The following NPAS3 variants were observed in gnomAD, a reference collection of about 807,000 sequenced individuals.
NPAS3 encodes the protein neuronal PAS domain-containing protein 3.
In NPAS3, 14 loss-of-function variants were observed where a neutral mutation model predicts 73.1. The ratio of observed to expected loss-of-function variants is 0.19; its 90% CI spans 0.13 to 0.30. The LOEUF is 0.30. Among genes scored for constraint, NPAS3 ranks in the 10% least tolerant of loss-of-function variants. The pLI, the probability that NPAS3 is intolerant of heterozygous loss-of-function variation, is 1.00. For synonymous variants in NPAS3, 620 were observed against 541.5 expected, an observed-to-expected ratio of 1.14 and a Z score of -2.01; for missense variants, 1,096 against 1,250.0, an observed-to-expected ratio of 0.88 and a Z score of 1.86.
At chr14:33,309,966 G>T (rs1164713971) in intron 3 of NPAS3, among the ~76,000 whole-genome samples, 1 of 152,138 alleles carries the variant, frequency 6.6e-6, no homozygotes, top group Non-Finnish European at 1.5e-5. Flanking sequence ...GGCTGGGTGA[G>T]CATGGAGAGT....
intron 4 of NPAS3, among the ~76,000 whole-genome samples, chr14:33,540,524 C>T (rs2054463633): frequency 1.3e-5 from 2 of 152,160 alleles, no homozygotes; most frequent in African/African-American, 4.8e-5. Flanking sequence ...AAGCCTTTTC[C>T]CTGTTTTATT....
rs189724186 is a variant in NPAS3, at chr14:33,606,139, G to A, written c.558+45929G>A. 2.0e-3 allele frequency among the ~76,000 whole-genome samples: 305 copies of A among 151,456 alleles called. 2 individuals carry two copies. The Middle Eastern group carries it at 0.021, about 10-fold the overall frequency. Reference sequence around the variant, plus strand: ...GCCAATGTGCAGGTTTGTTACATACGTATACATGTGCCATGCTGGTGTGCT... The same window carrying A: ...GCCAATGTGCAGGTTTGTTACATACATATACATGTGCCATGCTGGTGTGCT... On this transcript the variant is annotated intron_variant, in intron 5 of 11. Coordinates refer to ENST00000356141, the Ensembl canonical transcript of NPAS3.
intron 4 of NPAS3, among the ~76,000 whole-genome samples, chr14:33,396,735 A>G (rs540073237): frequency 2.6e-4 from 39 of 152,278 alleles, no homozygotes; most frequent in African/African-American, 7.5e-4. Flanking sequence ...AAGGATTTCA[A>G]TTGAACTTAA....
intron 6 of NPAS3, among the ~76,000 whole-genome samples, chr14:33,695,028 A>T (rs1295705782): frequency 1.3e-5 from 2 of 152,102 alleles, no homozygotes; most frequent in African/African-American, 4.8e-5. Context: ...TCCTACCACC[A>T]CATCAGTTCT....
At chr14:33,058,254 G>A (rs1438852318) in intron 2 of NPAS3, among the ~76,000 whole-genome samples, 6 of 152,136 alleles carry the variant, frequency 3.9e-5, no homozygotes, top group Non-Finnish European at 7.4e-5. Context: ...AGTGAGTAAA[G>A]GGCTACACTT....
At chr14:33,020,956 T>C (rs1295867274) in intron 1 of NPAS3, among the ~76,000 whole-genome samples, 1 of 152,088 alleles carries the variant, frequency 6.6e-6, no homozygotes, top group Non-Finnish European at 1.5e-5. Context: ...GAGATGGGGC[T>C]TCATCATGTT....
intron 2 of NPAS3, among the ~76,000 whole-genome samples, chr14:33,088,354 C>T (rs1237490679): frequency 1.3e-5 from 2 of 152,214 alleles, no homozygotes; most frequent in Non-Finnish European, 2.9e-5. Flanking sequence ...CTGCGCTTTT[C>T]CAATGGTCTT....
chr14:33,057,960 G>A (rs897413637), intron 2 of NPAS3, among the ~76,000 whole-genome samples: 4 of 152,084 alleles, frequency 2.6e-5, no homozygotes, highest in African/African-American at 7.2e-5. Context: ...AGAAAAGGCC[G>A]GGTATTCCGA....
At chr14:33,121,658 G>GA (rs1240422358) in intron 2 of NPAS3, among the ~76,000 whole-genome samples, 15 of 152,038 alleles carry the variant, frequency 9.9e-5, no homozygotes, top group Admixed American at 9.8e-4. Context: ...TTTTTAAAAA[G>GA]AAAAATATTG....
At chr14:33,663,394 C>G (rs1246688046) in intron 5 of NPAS3, among the ~76,000 whole-genome samples, 2 of 151,840 alleles carry the variant, frequency 1.3e-5, no homozygotes, top group East Asian at 3.9e-4. Context: ...GTTGAACCAG[C>G]CTTGCATCCC....
intron 4 of NPAS3, among the ~76,000 whole-genome samples, chr14:33,518,745 C>A (rs922504053): frequency 2.0e-5 from 3 of 151,558 alleles, no homozygotes; most frequent in African/African-American, 7.3e-5. Context: ...ACCAGCCTCA[C>A]CCTAACAGAG....
intron 4 of NPAS3, among the ~76,000 whole-genome samples, chr14:33,460,979 T>C: frequency 6.6e-6 from 1 of 152,224 alleles, no homozygotes; most frequent in East Asian, 1.9e-4. Flanking sequence ...TCCCTGTTTC[T>C]TGACAACAAG....
rs17100329 is a variant in NPAS3 at position 33,185,984 on chromosome 14, G to C, written c.141-29198G>C. Among the ~76,000 whole-genome samples, 116 of 152,274 alleles carry C rather than the reference G, an allele frequency of 7.6e-4. No individual in the cohort carries two copies. The East Asian group carries it at 0.017, about 22-fold the overall frequency. On this transcript the variant is annotated intron_variant, in intron 2 of 11. Transcript: ENST00000356141. Reference sequence around the variant, plus strand: ...TATACCACAAGGGAAGAAATCAAGTGAATCTGAGCTCTGATGAGAAATGCT... The same window carrying C: ...TATACCACAAGGGAAGAAATCAAGTCAATCTGAGCTCTGATGAGAAATGCT...
intron 3 of NPAS3, among the ~76,000 whole-genome samples, chr14:33,347,302 TCA>T (rs1044710707): frequency 2.0e-5 from 3 of 152,216 alleles, no homozygotes; most frequent in Admixed American, 2.0e-4. Context: ...GGAAAAGAAC[TCA>T]CAACATCTAT....
At position 33,276,305 on chromosome 14, in the gene NPAS3, G is replaced by A. The variant is rs1045924649; in HGVS notation, c.385+60879G>A. Reference sequence around the variant, plus strand: ...AATGCAGTTAACACAGTAATAAGAAGGAAGAAATTACTCTTTGTTCACTGT... The same window carrying A: ...AATGCAGTTAACACAGTAATAAGAAAGAAGAAATTACTCTTTGTTCACTGT... On this transcript the variant is annotated intron_variant, in intron 3 of 11. Coordinates refer to ENST00000356141, the Ensembl canonical transcript of NPAS3. 3.3e-5 allele frequency among the ~76,000 whole-genome samples: 5 copies of A among 152,136 alleles called. No individual in the cohort carries two copies. The East Asian group carries it at 9.7e-4, about 29-fold the overall frequency.
intron 3 of NPAS3, among the ~76,000 whole-genome samples, chr14:33,245,742 T>A (rs1411344594): frequency 6.6e-6 from 1 of 152,134 alleles, no homozygotes; most frequent in East Asian, 1.9e-4. Context: ...CTATTACAGT[T>A]TACTCTAATA....
upstream of NPAS3, among the ~76,000 whole-genome samples, chr14:32,938,485 T>TAGACAGAGAGAGAGAGAGAGAGAGAG (rs1491191135): frequency 2.3e-4 from 5 of 21,750 alleles, no homozygotes; most frequent in African/African-American, 5.4e-4. Context: ...GAGAGAGAAA[T>TAGACAGAGAGAGAGAGAGAGAGAGAG]TGAGAGAGAG....
At chr14:33,610,150 G>T (rs2057705272) in intron 5 of NPAS3, among the ~76,000 whole-genome samples, 1 of 152,124 alleles carries the variant, frequency 6.6e-6, no homozygotes, top group African/African-American at 2.4e-5. Flanking sequence ...GAACCCAAAA[G>T]AGGAAGAAAT....
At chr14:33,362,915 T>C (rs2045671098) in intron 3 of NPAS3, among the ~76,000 whole-genome samples, 1 of 152,126 alleles carries the variant, frequency 6.6e-6, no homozygotes, top group Non-Finnish European at 1.5e-5. Flanking sequence ...AATACCTTCT[T>C]CAAGTGATCC....
Sources: gnomAD v4.1 joint callset for allele counts (sites outside exome capture counted in the v4.1 genomes callset) on GRCh38, gnomAD v4.1.1 for gene constraint, MANE v1.5 for transcripts, NCBI Gene and HGNC (gene_info 2026-07-23, HGNC 2026-07-21) for gene names.